Variants in PLIN3 observed in about 807,000 individuals in gnomAD.
The protein encoded by PLIN3 is perilipin-3.
A neutral mutation model predicts 35.9 loss-of-function variants in PLIN3; 30 were observed. The ratio of observed to expected loss-of-function variants is 0.84; its 90% confidence interval spans 0.62 to 1.13. The LOEUF is 1.13. PLIN3 is among the 50% of genes most tolerant of loss of function. PLIN3 has a pLI of 0.00. For synonymous variants in PLIN3, 261 were observed against 262.5 expected (o/e 0.99, Z 0.06); for missense variants, 603 against 596.9 (o/e 1.01, Z -0.11).
intron 1 of PLIN3, among the ~76,000 whole-genome samples, chr19:4,864,034 G>A (rs2030761368): frequency 6.6e-6 from 1 of 151,006 alleles, no homozygotes; most frequent in Non-Finnish European, 1.5e-5. Flanking sequence ...CTACGCTCAA[G>A]CAATTCTCCC....
intron 1 of PLIN3, among the ~76,000 whole-genome samples, chr19:4,864,301 C>T (rs377364372): frequency 8.9e-4 from 135 of 151,640 alleles, no homozygotes; most frequent in African/African-American, 3.1e-3. Context: ...TACAGGTGTG[C>T]ACCACGTCTG....
At chr19:4,860,393 T>C (rs527655672) in intron 2 of PLIN3, among the ~76,000 whole-genome samples, 2 of 151,868 alleles carry the variant, frequency 1.3e-5, no homozygotes, top group Admixed American at 1.3e-4. Context: ...TTAGTAGAGA[T>C]GGGGTTTCAC....
chr19:4,841,857 A>G (rs1443297833), intron 7 of PLIN3, among the ~76,000 whole-genome samples: 1 of 147,786 alleles, frequency 6.8e-6, no homozygotes, highest in Non-Finnish European at 1.5e-5. Context: ...GTGAGCCGAA[A>G]TCGCGTCACT....
chr19:4,862,866 A>T (rs569968481), intron 1 of PLIN3, among the ~76,000 whole-genome samples: 3 of 152,274 alleles, frequency 2.0e-5, no homozygotes, highest in Non-Finnish European at 4.4e-5. Flanking sequence ...GAATAAGAAA[A>T]CAACAAGTGT....
At chr19:4,851,875 TGATGA>T in intron 5 of PLIN3, 136 bp downstream of exon 5, 1 of 851,742 alleles carries the variant, frequency 1.2e-6, no homozygotes, top group Non-Finnish European at 1.8e-6. Context: ...ACTGCGTTAG[TGATGA>T]GATTCCAAGA....
At chr19:4,867,231 G>C (rs1303746999) in intron 1 of PLIN3, 2 of 152,212 alleles carry the variant, frequency 1.3e-5, no homozygotes. Flanking sequence ...AGGGAGGGCG[G>C]AGATTCTGCC....
intron 1 of PLIN3, among the ~76,000 whole-genome samples, chr19:4,863,497 C>CA (rs57974543): frequency 0.3 from 36,118 of 119,896 alleles, 6,002 homozygotes; most frequent in African/African-American, 0.43. Context: ...AACTCTGTCT[C>CA]AAAAAAAAAA....
chr19:4,866,022 C>CTTTTTTTT (rs1217481158), intron 1 of PLIN3, among the ~76,000 whole-genome samples: 2 of 129,226 alleles, frequency 1.5e-5, no homozygotes, highest in African/African-American at 2.9e-5. Context: ...CATGCCCGGC[C>CTTTTTTTT]TTTTTTTTTT....
intron 7 of PLIN3, among the ~76,000 whole-genome samples, chr19:4,840,613 T>A (rs1055194843): frequency 2.0e-5 from 3 of 152,078 alleles, no homozygotes; most frequent in African/African-American, 7.2e-5. Flanking sequence ...GGAGAGCACA[T>A]GAAAAGCTGT....
At chr19:4,858,902 A>T (rs961409367) in intron 4 of PLIN3, among the ~76,000 whole-genome samples, 4 of 147,666 alleles carry the variant, frequency 2.7e-5, no homozygotes, top group Non-Finnish European at 6.0e-5. Flanking sequence ...GGGTTTCTCC[A>T]TGTTGGTCAG....
In PLIN3 at chr19:4,859,910, C is replaced by T. The variant is rs202240827; in HGVS notation, c.181G>A (p.Asp61Asn). 6 of 1,613,882 alleles carry T rather than the reference C, an allele frequency of 3.7e-6. No individual in the cohort carries two copies. In the African/African-American group the frequency reaches 5.3e-5, roughly 14 times the overall value. ...ESYPHIKTVC[D>N]AAEKGVRTLT... ...GTCCTCACTCCCTTCTCTGCTGCGT[C>T]GCAGACAGTCTTGATGTGCGGGTAG... The change falls in exon 3 of 8, where the codon GAC becomes AAC. Residue 61 changes from aspartate (D) to asparagine (N), a missense_variant. Asp to Asn is a conservative substitution (Grantham distance 23). Coordinates refer to ENST00000221957, the MANE Select transcript of PLIN3 (RefSeq NM_005817.5).
At chr19:4,855,924 CAA>C (rs772454816) in intron 4 of PLIN3, among the ~76,000 whole-genome samples, 4 of 73,762 alleles carry the variant, frequency 5.4e-5, no homozygotes, top group Non-Finnish European at 2.7e-5. Context: ...GACCTTGTCT[CAA>C]AAAAAAAAAA....
chr19:4,848,454 C>G (rs1036043942), intron 5 of PLIN3, among the ~76,000 whole-genome samples: 1 of 152,230 alleles, frequency 6.6e-6, no homozygotes, highest in Non-Finnish European at 1.5e-5. Context: ...GGCCTGCAGG[C>G]CAGACCTGCC....
intron 4 of PLIN3, among the ~76,000 whole-genome samples, chr19:4,856,432 C>A (rs1214836780): frequency 6.6e-6 from 1 of 151,972 alleles, no homozygotes; most frequent in African/African-American, 2.4e-5. Context: ...GTGGTGCATG[C>A]CTGTAATCCC....
chr19:4,854,820 A>G (rs2030419677), intron 4 of PLIN3, among the ~76,000 whole-genome samples: 1 of 152,126 alleles, frequency 6.6e-6, no homozygotes, highest in Non-Finnish European at 1.5e-5. Context: ...CAAAAAGTCA[A>G]GAGCTCACAG....
intron 1 of PLIN3, among the ~76,000 whole-genome samples, chr19:4,864,762 C>G (rs1441240425): frequency 6.6e-6 from 1 of 152,122 alleles, no homozygotes; most frequent in Non-Finnish European, 1.5e-5. Flanking sequence ...TTTTCCTGGA[C>G]TAGTGAAATG....
At chr19:4,842,386 G>A (rs899667055) in intron 7 of PLIN3, among the ~76,000 whole-genome samples, 8 of 151,846 alleles carry the variant, frequency 5.3e-5, no homozygotes, top group Non-Finnish European at 1.2e-4. Flanking sequence ...TCAAGATCAC[G>A]CCACTGCACT....
At position 4,844,662 on chromosome 19, in the gene PLIN3, G is replaced by T; in HGVS notation, c.960+6C>A. On this transcript the variant is annotated splice_donor_region_variant and intron_variant, in intron 7 of 7. Coordinates refer to ENST00000221957, the MANE Select transcript of PLIN3 (RefSeq NM_005817.5). ...CTAGGCCACCCCCCAGTCCCCTCAT[G>T]GGTACCTCTGGCTTGGGCGGCTCCT... 1 of 1,607,044 alleles carries T rather than the reference G, an allele frequency of 6.2e-7. No individual in the cohort carries two copies.
At chr19:4,839,616 G>A (rs374183512) in intron 7 of PLIN3, 80 bp from the exon 8 acceptor site, 2 of 1,144,654 alleles carry the variant, frequency 1.7e-6, no homozygotes, top group East Asian at 2.6e-5. Context: ...GGAAAGAGGG[G>A]AAGAGGGGTT....
Sources: allele counts gnomAD v4.1 joint callset (sites outside exome capture counted in the v4.1 genomes callset), GRCh38; gene constraint gnomAD v4.1.1; transcripts MANE v1.5; gene names NCBI Gene and HGNC (gene_info 2026-07-23, HGNC 2026-07-21).